Variants in LOXL3 observed in about 807,000 individuals in gnomAD.
LOXL3 encodes lysyl oxidase like 3.
LOXL3 carries 60 observed loss-of-function variants against 91.8 expected under a neutral mutation model. The ratio of observed to expected loss-of-function variants is 0.65; its 90% CI spans 0.53 to 0.81. LOXL3 has a LOEUF of 0.81. LOXL3 is among the 30% of genes least tolerant of loss of function. The probability of loss-of-function intolerance (pLI) is 0.00; values close to 1 mark genes in which losing one functional copy is unlikely to be tolerated. For synonymous variants in LOXL3, 355 were observed against 387.6 expected (o/e 0.92, Z 0.99); for missense variants, 874 against 1,000.4 (o/e 0.87, Z 1.70).
rs553586739 is a variant in LOXL3, at chr2:74,543,668, T to C, written c.692+5701A>G. On this transcript the variant is annotated intron_variant, in intron 4 of 13. Coordinates refer to ENST00000264094, the MANE Select transcript of LOXL3 (RefSeq NM_032603.5). ...GCCAGGACAGGCAGATCACTTGATC[T>C]GATCCTGAGGTCAGGAGATCAAGAC... Among the ~76,000 whole-genome samples, 60 of 151,920 alleles carry C rather than the reference T, an allele frequency of 3.9e-4. No individual in the cohort carries two copies. In the South Asian group the frequency reaches 0.012, roughly 32 times the overall value.
rs866315961 is a variant in LOXL3, at chr2:74,533,558, G to C, written c.*48C>G. Reference sequence around the variant, plus strand: ...AGCTCCTGAGGTAATGGCAGCCTCAGACCCCTGCCATTAGGGGCCAGTGGT... The same window carrying C: ...AGCTCCTGAGGTAATGGCAGCCTCACACCCCTGCCATTAGGGGCCAGTGGT... On this transcript the variant is annotated 3_prime_UTR_variant, in exon 14 of 14. Transcript: ENST00000264094. 1 of 1,543,428 alleles carries C rather than the reference G, an allele frequency of 6.5e-7. No individual in the cohort carries two copies. Among genetic ancestry groups the C allele is most frequent in the Non-Finnish European group, 8.9e-7 (1 of 1,117,670 alleles).
In LOXL3 at chr2:74,532,364, T is replaced by C; in HGVS notation, c.*1242A>G. The C allele has an allele frequency of 1.9e-6, 1 of 516,230 alleles. No homozygotes were observed. Among genetic ancestry groups the C allele is most frequent in the Non-Finnish European group, 3.5e-6 (1 of 283,856 alleles). 32.0% of individuals were successfully genotyped at this position (516,230 alleles called of 1,614,324 possible). ...AGTTCTTTCCCCTTAAAGCTTCTCTTAGTATTCTAGAATGACATTAGTGCT... is the reference window on the plus strand; with the variant it reads ...AGTTCTTTCCCCTTAAAGCTTCTCTCAGTATTCTAGAATGACATTAGTGCT... On this transcript the variant is annotated 3_prime_UTR_variant, in exon 14 of 14. Transcript: ENST00000264094.
rs1558620713 is a variant in LOXL3 at position 74,536,983 on chromosome 2, C to T, written c.693-55G>A. On this transcript the variant is annotated intron_variant, in intron 4 of 13. Transcript: ENST00000264094. The surrounding 1 kb of genome is among the most constrained non-coding windows in gnomAD (Gnocchi z 4.5). Reference sequence around the variant, plus strand: ...GTAAAACAATGCTCCTGCCTCTTGGCCCCACAAACATCCTCCCACTTCATG... The same window carrying T: ...GTAAAACAATGCTCCTGCCTCTTGGTCCCACAAACATCCTCCCACTTCATG... 6.2e-6 allele frequency: 9 copies of T among 1,451,148 alleles called. No individual in the cohort carries two copies. The highest frequency in any genetic ancestry group is 1.2e-5 in the South Asian group (1 of 84,180). The allele number at this position is 1,451,148 out of a possible 1,614,324, so 89.9% of individuals were successfully genotyped here.
rs758529496 is a variant in LOXL3 at position 74,535,321 on chromosome 2, C to T, written c.1550G>A (p.Arg517His). 7.4e-6 allele frequency: 12 copies of T among 1,613,806 alleles called. No individual in the cohort carries two copies. Among genetic ancestry groups the T allele is most frequent in the Admixed American group, 5.0e-5 (3 of 59,984 alleles). The stretch of plus-strand genomic sequence containing the variant: ...AGAACAGATGACTCCAGCAGTGAAG[C>T]GGGTCCCTGTCCTCTTGCAGGTGAT... ...THITCKRTGT[R>H]FTAGVICSET... Residue 517 changes from arginine to histidine, a missense_variant, in exon 9 of 14, where the codon CGC (arginine) becomes CAC (histidine). Physicochemically the swap from Arg to His is conservative, Grantham distance 29. Transcript: ENST00000264094. This position sits in a 1 kb window ranked among gnomAD's most constrained non-coding sequence, Gnocchi z 4.2.
At position 74,533,083 on chromosome 2, in the gene LOXL3, T is replaced by G. The variant is rs1043006778; in HGVS notation, c.*523A>C. On this transcript the variant is annotated 3_prime_UTR_variant, in exon 14 of 14. Coordinates refer to ENST00000264094, the MANE Select transcript of LOXL3 (RefSeq NM_032603.5). Reference sequence around the variant, plus strand: ...CGAGACAGAGGGTTAAATGAACCAGTGGGGGCAGGTCCCTCCAACCACCAG... The same window carrying G: ...CGAGACAGAGGGTTAAATGAACCAGGGGGGGCAGGTCCCTCCAACCACCAG... 1 of 1,165,492 alleles carries G rather than the reference T, an allele frequency of 8.6e-7. No individual in the cohort carries two copies. Among genetic ancestry groups the G allele is most frequent in the African/African-American group, 1.5e-5 (1 of 65,718 alleles). 72.2% of individuals were successfully genotyped at this position (1,165,492 alleles called of 1,614,324 possible). A position where few individuals can be genotyped will look rare whatever the true frequency, so the allele number is the denominator to read the frequency against.
chr2:74,536,598 C>A lies in LOXL3; in HGVS notation c.912+111G>T, dbSNP rs1676037223. On this transcript the variant is annotated intron_variant, in intron 5 of 13. Transcript: ENST00000264094. The surrounding 1 kb of genome is among the most constrained non-coding windows in gnomAD (Gnocchi z 4.5). ...TGGTATCAGGTCTGTGGCCCACCCC[C>A]TGGAAGGCTCCTCTCTGTCCTCAAA... 18 of 1,458,650 alleles carry A rather than the reference C, an allele frequency of 1.2e-5. No individual in the cohort carries two copies. Among genetic ancestry groups the A allele is most frequent in the Non-Finnish European group, 1.7e-5 (18 of 1,062,106 alleles). The allele number at this position is 1,458,650 out of a possible 1,614,324, so 90.4% of individuals were successfully genotyped here.
chr2:74,534,398 A>G lies in LOXL3; in HGVS notation c.1857T>C (p.Tyr619=), dbSNP rs539549422. ...TGGTGCCATTTGGGGTGAGGATATC[A>G]TAGTGAGTGAAGATGTCCATGCTGT... ...HYHSMDIFTH[Y]DILTPNGTKV... is the part of the protein sequence containing the mutation. Residue 619 remains tyrosine, a synonymous_variant, in exon 11 of 14, where the codon TAT becomes TAC. Coordinates refer to ENST00000264094, the MANE Select transcript of LOXL3 (RefSeq NM_032603.5). The G allele has an allele frequency of 1.1e-5, 18 of 1,614,202 alleles. No homozygotes were observed. Among genetic ancestry groups the G allele is most frequent in the Non-Finnish European group, 1.4e-5 (17 of 1,179,998 alleles).
chr2:74,542,520 G>GCACA (rs146466764), intron 4 of LOXL3, among the ~76,000 whole-genome samples: 23 of 145,486 alleles, frequency 1.6e-4, no homozygotes, highest in East Asian at 8.0e-4. Context: ...TCCTACACAT[G>GCACA]CACACACACA....
chr2:74,536,871 G>T lies in LOXL3; in HGVS notation c.750C>A (p.Gly250=). 1 of 1,614,200 alleles carries T rather than the reference G, an allele frequency of 6.2e-7. No individual in the cohort carries two copies. Among genetic ancestry groups the T allele is most frequent in the Non-Finnish European group, 8.5e-7 (1 of 1,180,042 alleles). The part of the protein sequence containing the change: ...SFGLHGVACV[G]TEAHLSLCSL... ...AACAGAGGGAGAGGTGGGCCTCCGT[G>T]CCCACGCACGCCACCCCATGCAGAC... Residue 250 remains glycine (G), a synonymous_variant, in exon 5 of 14, where the codon GGC becomes GGA. Coordinates refer to ENST00000264094, the MANE Select transcript of LOXL3 (RefSeq NM_032603.5). The surrounding 1 kb of genome is among the most constrained non-coding windows in gnomAD (Gnocchi z 4.5).
Position 74,552,354 on chromosome 2 carries a change from C to G in LOXL3, c.281G>C (p.Trp94Ser). ...RELGFTEATG[W>S]THSAKYGPGT... ...AGGGCCATATTTGGCACTGTGGGTC[C>G]AGCCTGTGGCCTCTGTGAAGCCCAG... Residue 94 changes from tryptophan (W) to serine (S), a missense_variant, in exon 2 of 14, where the codon TGG becomes TCG. Transcript: ENST00000264094. 6.2e-7 allele frequency: 1 copy of G among 1,607,184 alleles called. No homozygotes were observed. The highest frequency in any genetic ancestry group is 2.2e-5 in the East Asian group (1 of 44,650).
chr2:74,538,239 T>G (rs1036314204), intron 4 of LOXL3, among the ~76,000 whole-genome samples: 1 of 152,128 alleles, frequency 6.6e-6, no homozygotes, highest in African/African-American at 2.4e-5. Flanking sequence ...AAAATGGCAG[T>G]GTGTACTTTA....
At position 74,532,959 on chromosome 2, in the gene LOXL3, T is replaced by C. The variant is rs1675729290; in HGVS notation, c.*647A>G. ...GCGGGGACGAGAAACACTGACCTTA[T>C]ATGTGACCCCTGAGGTCACAGAATG... On this transcript the variant is annotated 3_prime_UTR_variant, in exon 14 of 14. Transcript: ENST00000264094. 6.2e-7 allele frequency: 1 copy of C among 1,613,960 alleles called. No homozygotes were observed. Among genetic ancestry groups the C allele is most frequent in the Non-Finnish European group, 8.5e-7 (1 of 1,179,976 alleles).
At chr2:74,540,397 A>G (rs1239662848) in intron 4 of LOXL3, among the ~76,000 whole-genome samples, 1 of 152,218 alleles carries the variant, frequency 6.6e-6, no homozygotes, top group East Asian at 1.9e-4. Context: ...AGCCTGAGTC[A>G]GGCCTAGGGA....
At position 74,534,252 on chromosome 2, in the gene LOXL3, T is replaced by TATGTC; in HGVS notation, c.1940-21_1940-17dup. On this transcript the variant is annotated splice_polypyrimidine_tract_variant and intron_variant, in intron 11 of 13. Transcript: ENST00000264094. ...TTGGAGACATCTGGAGGGATTGGCA[T>TATGTC]ATGTCAGTGTAAGGAAAGGCTGTGC... 6.2e-7 allele frequency: 1 copy of TATGTC among 1,614,188 alleles called. No homozygotes were observed. The highest frequency in any genetic ancestry group is 1.3e-5 in the African/African-American group (1 of 75,044).
At chr2:74,545,698 T>C (rs911396354) in intron 4 of LOXL3, among the ~76,000 whole-genome samples, 1 of 152,134 alleles carries the variant, frequency 6.6e-6, no homozygotes, top group African/African-American at 2.4e-5. Context: ...GCCACCACAC[T>C]CCCCTGGTTT....
Position 74,552,304 on chromosome 2 carries a change from G to C in LOXL3, c.313+18C>G. Reference sequence around the variant, plus strand: ...CACACATAGGAAATATCTAGGATATGCCTGGATCATTGCTCACCTGTTCCA... The same window carrying C: ...CACACATAGGAAATATCTAGGATATCCCTGGATCATTGCTCACCTGTTCCA... On this transcript the variant is annotated intron_variant, in intron 2 of 13. Coordinates refer to ENST00000264094, the MANE Select transcript of LOXL3 (RefSeq NM_032603.5). 1.3e-6 allele frequency: 2 copies of C among 1,585,290 alleles called. No individual in the cohort carries two copies. The highest frequency in any genetic ancestry group is 1.8e-4 in the Middle Eastern group (1 of 5,710).
rs576445558 is a variant in LOXL3, at chr2:74,535,035, C to T, written c.1579+257G>A. 3.3e-5 allele frequency among the ~76,000 whole-genome samples: 5 copies of T among 152,258 alleles called. No homozygotes were observed. Among genetic ancestry groups the T allele is most frequent in the South Asian group, 4.2e-4 (2 of 4,818 alleles). ...CTGGGATTATAGGCGCCTGCCACTG[C>T]GCCTGGCTAATTTTTGTAGTTTTAG... is the stretch of plus-strand genomic sequence containing the variant. On this transcript the variant is annotated intron_variant, in intron 9 of 13. Coordinates refer to ENST00000264094, the MANE Select transcript of LOXL3 (RefSeq NM_032603.5). The surrounding 1 kb of genome is among the most constrained non-coding windows in gnomAD (Gnocchi z 4.2).
Position 74,533,336 on chromosome 2 carries a change from A to C in LOXL3, c.*270T>G. On this transcript the variant is annotated 3_prime_UTR_variant, in exon 14 of 14. Coordinates refer to ENST00000264094, the MANE Select transcript of LOXL3 (RefSeq NM_032603.5). ...CTGCTGCCATCTTTTGTGGGCAGTTAGTCAGGTGCTGCTCTTTGTGGTGTG... is the reference window on the plus strand; with the variant it reads ...CTGCTGCCATCTTTTGTGGGCAGTTCGTCAGGTGCTGCTCTTTGTGGTGTG... 1.9e-6 allele frequency: 1 copy of C among 532,434 alleles called. No individual in the cohort carries two copies. The highest frequency in any genetic ancestry group is 3.3e-6 in the Non-Finnish European group (1 of 299,234). The allele number at this position is 532,434 out of a possible 1,614,324, so 33.0% of individuals were successfully genotyped here.
Position 74,534,114 on chromosome 2 carries a change from T to C in LOXL3, c.2062A>G (p.Asn688Asp), listed in dbSNP as rs774401306. Residue 688 changes from asparagine to aspartate, a missense_variant, in exon 12 of 14, where the codon AAC becomes GAC. Asn to Asp is a conservative substitution (Grantham distance 23, BLOSUM62 1). Coordinates refer to ENST00000264094, the MANE Select transcript of LOXL3 (RefSeq NM_032603.5). ...WIDITDVKPG[N>D]YILQVVINPN... is the part of the protein sequence containing the mutation. Reference sequence around the variant, plus strand: ...ACTCCAGGTACCTGGAGAATGTAGTTTCCTGGCTTCACATCCGTGATGTCA... The same window carrying C: ...ACTCCAGGTACCTGGAGAATGTAGTCTCCTGGCTTCACATCCGTGATGTCA... 2.5e-6 allele frequency: 4 copies of C among 1,614,166 alleles called. No homozygotes were observed. The highest frequency in any genetic ancestry group is 3.3e-4 in the Middle Eastern group (2 of 6,062).
Sources: allele counts gnomAD v4.1 joint callset (sites outside exome capture counted in the v4.1 genomes callset), GRCh38; gene constraint gnomAD v4.1.1; non-coding constraint Gnocchi (gnomAD v3.1); transcripts MANE v1.5; gene names NCBI Gene and HGNC (gene_info 2026-07-23, HGNC 2026-07-21).